The following PCDH11Y variants were observed in gnomAD, a reference collection of about 807,000 sequenced individuals.
The protein encoded by PCDH11Y is protocadherin-11 Y-linked.
For synonymous variants in PCDH11Y, 9 were observed against 83.6 expected, an observed-to-expected ratio of 0.11 and a Z score of 4.87; for missense variants, 12 against 224.8, an observed-to-expected ratio of 0.05 and a Z score of 6.05.
At chrY:5,177,729 A>G (rs2052895235) in intron 2 of PCDH11Y, among the ~76,000 whole-genome samples, 1 of 32,647 alleles carries the variant, frequency 3.1e-5, no homozygotes, top group Non-Finnish European at 7.5e-5. Context: ...AGGGAGTATG[A>G]GGGAGGTGGG....
At chrY:5,301,974 T>C in intron 2 of PCDH11Y, among the ~76,000 whole-genome samples, 1 of 29,186 alleles carries the variant, frequency 3.4e-5, no homozygotes. Flanking sequence ...TGAATGACCA[T>C]GTAGTATATG....
chrY:5,695,469 T>C, intron 4 of PCDH11Y, among the ~76,000 whole-genome samples: 1 of 19,464 alleles, frequency 5.1e-5, no homozygotes, highest in Non-Finnish European at 1.2e-4. Flanking sequence ...GTTTAGTAAA[T>C]TTACATACAA....
chrY:5,311,474 G>GATAT (rs752106921), intron 2 of PCDH11Y, among the ~76,000 whole-genome samples: 941 of 14,228 alleles, frequency 0.066, no homozygotes, highest in African/African-American at 0.37. Flanking sequence ...AAAGAGAAAA[G>GATAT]ATATATATAT....
intron 3 of PCDH11Y, among the ~76,000 whole-genome samples, chrY:5,550,504 G>A: frequency 1.2e-4 from 4 of 33,341 alleles, no homozygotes; most frequent in African/African-American, 4.7e-4. Context: ...CTGAGCTTCA[G>A]TGGATCTCTA....
At chrY:5,666,594 G>A in intron 4 of PCDH11Y, among the ~76,000 whole-genome samples, 1 of 33,050 alleles carries the variant, frequency 3.0e-5, no homozygotes, top group African/African-American at 1.2e-4. Flanking sequence ...GCTTACTTAA[G>A]GTAATATTTG....
downstream of PCDH11Y, among the ~76,000 whole-genome samples, chrY:5,102,492 G>A (rs2052781434): frequency 3.0e-5 from 1 of 32,900 alleles, no homozygotes; most frequent in Non-Finnish European, 7.5e-5. Flanking sequence ...AGTTAATGAA[G>A]TTAATTAATA....
intron 2 of PCDH11Y, among the ~76,000 whole-genome samples, chrY:5,359,454 T>C: frequency 3.1e-5 from 1 of 31,893 alleles, no homozygotes; most frequent in African/African-American, 1.2e-4. Flanking sequence ...TACTGCAGCC[T>C]GCTTTATCAG....
chrY:5,004,081 G>A, intron 1 of PCDH11Y, among the ~76,000 whole-genome samples: 1 of 33,505 alleles, frequency 3.0e-5, no homozygotes, highest in Non-Finnish European at 7.4e-5. Flanking sequence ...TCTTCCCTTT[G>A]ATGAAAAGCT....
intron 2 of PCDH11Y, among the ~76,000 whole-genome samples, chrY:5,344,677 T>TA: frequency 3.0e-5 from 1 of 33,169 alleles, no homozygotes; most frequent in South Asian, 6.6e-4. Flanking sequence ...TCTTTTATTT[T>TA]TTTTTTTTGG....
intron 2 of PCDH11Y, among the ~76,000 whole-genome samples, chrY:5,397,830 G>A: frequency 6.1e-5 from 2 of 33,036 alleles, no homozygotes; most frequent in African/African-American, 1.2e-4. Flanking sequence ...GGGACTATAG[G>A]TGTGTGCCAC....
At chrY:5,184,890 ATTGT>A (rs2052904812) in intron 2 of PCDH11Y, among the ~76,000 whole-genome samples, 1 of 27,113 alleles carries the variant, frequency 3.7e-5, no homozygotes, top group Non-Finnish European at 8.6e-5. Flanking sequence ...TCTTCATTTT[ATTGT>A]TTGTTTCCTT....
At chrY:5,068,720 A>G in intron 1 of PCDH11Y, among the ~76,000 whole-genome samples, 1 of 31,962 alleles carries the variant, frequency 3.1e-5, no homozygotes, top group Admixed American at 2.9e-4. Flanking sequence ...CTGAGACTAC[A>G]GGCTAGCACT....
chrY:5,342,167 A>T, intron 2 of PCDH11Y, among the ~76,000 whole-genome samples: 1 of 32,779 alleles, frequency 3.1e-5, no homozygotes, highest in Non-Finnish European at 7.4e-5. Context: ...TTATTTCTGT[A>T]GCAGTAGAAA....
chrY:5,513,154 T>C (rs1287570714), intron 3 of PCDH11Y, among the ~76,000 whole-genome samples: 1 of 31,897 alleles, frequency 3.1e-5, no homozygotes, highest in African/African-American at 1.2e-4. Context: ...CCTCAGCCTC[T>C]CGAGTAGCTG....
intron 2 of PCDH11Y, among the ~76,000 whole-genome samples, chrY:5,305,154 G>A (rs373169005): frequency 0.15 from 5,008 of 32,662 alleles, no homozygotes; most frequent in Middle Eastern, 0.4. Context: ...ATATAGAAGA[G>A]GATTTAACTT....
chrY:5,619,192 T>C, intron 4 of PCDH11Y, among the ~76,000 whole-genome samples: 1 of 32,767 alleles, frequency 3.1e-5, no homozygotes, highest in Admixed American at 2.8e-4. Context: ...CTCTTCACTA[T>C]ATTTGCTGTG....
chrY:5,662,602 A>G, intron 4 of PCDH11Y, among the ~76,000 whole-genome samples: 1 of 31,822 alleles, frequency 3.1e-5, no homozygotes, highest in Admixed American at 3.0e-4. Flanking sequence ...TTTTGACACA[A>G]TTTTTCTAAA....
At chrY:5,647,694 A>T in intron 4 of PCDH11Y, among the ~76,000 whole-genome samples, 2 of 32,213 alleles carry the variant, frequency 6.2e-5, no homozygotes, top group Non-Finnish European at 1.5e-4. Flanking sequence ...TTTAGTAGAG[A>T]GGGGGTTTCT....
At chrY:5,633,094 T>A in intron 4 of PCDH11Y, among the ~76,000 whole-genome samples, 1 of 31,898 alleles carries the variant, frequency 3.1e-5, no homozygotes, top group Non-Finnish European at 7.7e-5. Flanking sequence ...TAGTCTGCTT[T>A]CTGTTCATAT....
Sources: gnomAD v4.1 joint callset for allele counts (sites outside exome capture counted in the v4.1 genomes callset) on GRCh38, gnomAD v4.1.1 for gene constraint, MANE v1.5 for transcripts, NCBI Gene and HGNC (gene_info 2026-07-23, HGNC 2026-07-21) for gene names.